The following PCDHGB2 variants were observed in gnomAD, a reference collection of about 807,000 sequenced individuals.
PCDHGB2 encodes protocadherin gamma subfamily B, 2.
In PCDHGB2, 55 loss-of-function variants were observed where a neutral mutation model predicts 59.3. That is an observed-to-expected ratio of 0.93 (90% CI 0.75 to 1.16). The LOEUF is 1.16. Ranked by LOEUF, PCDHGB2 falls within the 50% of genes most tolerant of loss-of-function variation. The probability of loss-of-function intolerance (pLI) is 0.00; values close to 1 mark genes in which losing one functional copy is unlikely to be tolerated. For synonymous variants in PCDHGB2, 516 were observed against 512.0 expected (o/e 1.01, Z -0.11); for missense variants, 1,228 against 1,198.5 (o/e 1.02, Z -0.36).
chr5:141,393,635 C>A (rs370544677), intron 1 of PCDHGB2: 1 of 1,613,750 alleles, frequency 6.2e-7, no homozygotes, highest in African/African-American at 1.3e-5. Context: ...AGGGAATCAA[C>A]GGAAAAGTGG....
At chr5:141,469,610 AAAAT>A (rs1360697662) in intron 1 of PCDHGB2, among the ~76,000 whole-genome samples, 1 of 152,194 alleles carries the variant, frequency 6.6e-6, no homozygotes, top group Non-Finnish European at 1.5e-5. Context: ...TAAGTAAAAT[AAAAT>A]AAATGTTTGT....
rs1349189547 is a variant in PCDHGB2 at position 141,432,777 on chromosome 5, C to T, written c.2422-62030C>T. Reference sequence around the variant, plus strand: ...GCCGACAGCATCCCCCAAGTCCTGGCGGACCTCGGCAGCCTCGAGTCTCCA... The same window carrying T: ...GCCGACAGCATCCCCCAAGTCCTGGTGGACCTCGGCAGCCTCGAGTCTCCA... On this transcript the variant is annotated intron_variant, in intron 1 of 3. Coordinates refer to ENST00000522605, the MANE Select transcript of PCDHGB2 (RefSeq NM_018923.3). This position sits in a 1 kb window ranked among gnomAD's most constrained non-coding sequence, Gnocchi z 6.0. The T allele has an allele frequency of 6.2e-6, 10 of 1,614,154 alleles. No individual in the cohort carries two copies. The highest frequency in any genetic ancestry group is 7.6e-6 in the Non-Finnish European group (9 of 1,179,992).
At chr5:141,371,809 C>A (rs1768063576) in intron 1 of PCDHGB2, 2 of 1,613,792 alleles carry the variant, frequency 1.2e-6, no homozygotes. Flanking sequence ...GCCTCCATTG[C>A]GCATGTCAGA....
At chr5:141,393,458 G>C in intron 1 of PCDHGB2, 1 of 1,614,020 alleles carries the variant, frequency 6.2e-7, no homozygotes, top group Non-Finnish European at 8.5e-7. Flanking sequence ...TCACGGCCTC[G>C]GATGGCGGCA....
At chr5:141,469,804 T>C (rs1433459377) in intron 1 of PCDHGB2, among the ~76,000 whole-genome samples, 1 of 152,060 alleles carries the variant, frequency 6.6e-6, no homozygotes, top group Non-Finnish European at 1.5e-5. Context: ...TGCAAAAACA[T>C]TGTAGATAGA....
chr5:141,483,432 ACT>A (rs2099581241), intron 1 of PCDHGB2, among the ~76,000 whole-genome samples: 1 of 152,200 alleles, frequency 6.6e-6, no homozygotes, highest in African/African-American at 2.4e-5. Flanking sequence ...GAGGGAGCTG[ACT>A]ACAATAAAAT....
At position 141,437,305 on chromosome 5, in the gene PCDHGB2, G is replaced by A. The variant is rs369317069; in HGVS notation, c.2422-57502G>A. On this transcript the variant is annotated intron_variant, in intron 1 of 3. Transcript: ENST00000522605. ...TATCCATTTCATCTAACAAGTTAAA[G>A]CGTTCAGCTATAATTTAAAATTTGT... 1.8e-4 allele frequency among the ~76,000 whole-genome samples: 28 copies of A among 152,266 alleles called. No homozygotes were observed. In the South Asian group the frequency reaches 4.8e-3, roughly 26 times the overall value.
At chr5:141,405,226 C>T (rs756970325) in intron 1 of PCDHGB2, 6 of 1,613,934 alleles carry the variant, frequency 3.7e-6, no homozygotes, top group Admixed American at 3.3e-5. Context: ...AGGAGTTCTC[C>T]CTCACCGCTG....
intron 1 of PCDHGB2, among the ~76,000 whole-genome samples, chr5:141,406,193 C>T (rs2094777569): frequency 1.3e-5 from 2 of 151,820 alleles, no homozygotes. Flanking sequence ...CCACCTCAGC[C>T]TTCACAGTAG....
intron 1 of PCDHGB2, among the ~76,000 whole-genome samples, chr5:141,466,436 G>A (rs181613158): frequency 1.3e-5 from 2 of 152,270 alleles, no homozygotes; most frequent in East Asian, 1.9e-4. Context: ...AAGCTGAACC[G>A]AGATGTCTAT....
At chr5:141,403,546 C>A (rs62378450) in intron 1 of PCDHGB2, 1 of 1,613,984 alleles carries the variant, frequency 6.2e-7, no homozygotes, top group South Asian at 1.1e-5. Flanking sequence ...TGCTGGAGCG[C>A]GCCCTGGACA....
rs200724467 is a variant in PCDHGB2 at position 141,399,395 on chromosome 5, G to A, written c.2421+36839G>A. 5,303 of 1,613,964 alleles carry A rather than the reference G, an allele frequency of 3.3e-3. 153 individuals carry two copies. In the South Asian group the frequency reaches 0.047, roughly 14 times the overall value. ...AATGTCACCATCACAGCCACAGACA[G>A]GGGCAAGCCGCCCCTCTCCTCCAGC... On this transcript the variant is annotated intron_variant, in intron 1 of 3. Coordinates refer to ENST00000522605, the MANE Select transcript of PCDHGB2 (RefSeq NM_018923.3).
chr5:141,476,146 G>C lies in PCDHGB2; in HGVS notation c.2422-18661G>C. 1 of 1,611,402 alleles carries C rather than the reference G, an allele frequency of 6.2e-7. No individual in the cohort carries two copies. On this transcript the variant is annotated intron_variant, in intron 1 of 3. Transcript: ENST00000522605. This position sits in a 1 kb window ranked among gnomAD's most constrained non-coding sequence, Gnocchi z 7.6. ...TCCCAGAGGCCTGGAGGAGCGGACT[G>C]GTAAGCACCGGGAGGGTAGTGGGAG...
chr5:141,476,229 C>A lies in PCDHGB2; in HGVS notation c.2422-18578C>A, dbSNP rs761790915. The A allele has an allele frequency of 1.9e-6, 3 of 1,613,872 alleles. No homozygotes were observed. The South Asian group carries it at 3.3e-5, about 18-fold the overall frequency. ...TCCACGGTCATTCACTATGAGATCC[C>A]GGAGGAAAGAGAGAAGGGTTTCGCT... On this transcript the variant is annotated intron_variant, in intron 1 of 3. Transcript: ENST00000522605. This position sits in a 1 kb window ranked among gnomAD's most constrained non-coding sequence, Gnocchi z 7.6.
intron 1 of PCDHGB2, among the ~76,000 whole-genome samples, chr5:141,444,402 C>T (rs916833331): frequency 6.6e-6 from 1 of 151,932 alleles, no homozygotes; most frequent in African/African-American, 2.4e-5. Flanking sequence ...AACTCCCAAC[C>T]TCAGGTGATC....
At chr5:141,509,335 G>T (rs113423267) in intron 3 of PCDHGB2, among the ~76,000 whole-genome samples, 106 of 152,262 alleles carry the variant, frequency 7.0e-4, no homozygotes, top group African/African-American at 2.4e-3. Context: ...CTGCCAGCTG[G>T]GCCTGGGCTG....
rs139839962 is a variant in PCDHGB2, at chr5:141,380,524, G to C, written c.2421+17968G>C. On this transcript the variant is annotated intron_variant, in intron 1 of 3. Coordinates refer to ENST00000522605, the MANE Select transcript of PCDHGB2 (RefSeq NM_018923.3). ...ATATACACTCTTTAAACTATGAAAT[G>C]ATTTCAATTTGATACAATGAGCTTA... Among the ~76,000 whole-genome samples the C allele has an allele frequency of 4.5e-3, 691 of 152,196 alleles. 6 individuals are homozygous for C. Among genetic ancestry groups the C allele is most frequent in the Middle Eastern group, 0.014 (4 of 294 alleles).
intron 1 of PCDHGB2, chr5:141,423,165 C>G: frequency 6.2e-7 from 1 of 1,613,434 alleles, no homozygotes; most frequent in Non-Finnish European, 8.5e-7. Context: ...TCGTGGTGGC[C>G]GTCCAGGACC....
chr5:141,448,166 A>G (rs1475687778), intron 1 of PCDHGB2, among the ~76,000 whole-genome samples: 2 of 151,978 alleles, frequency 1.3e-5, no homozygotes, highest in Non-Finnish European at 2.9e-5. Context: ...AAAGATCACT[A>G]CTATTCATCC....
Sources: allele counts gnomAD v4.1 joint callset (sites outside exome capture counted in the v4.1 genomes callset), GRCh38; gene constraint gnomAD v4.1.1; non-coding constraint Gnocchi (gnomAD v3.1); transcripts MANE v1.5; gene names NCBI Gene and HGNC (gene_info 2026-07-23, HGNC 2026-07-21).